Variants in KCTD20 observed in about 807,000 individuals in gnomAD.
The protein encoded by KCTD20 is BTB/POZ domain-containing protein KCTD20.
A neutral mutation model predicts 39.6 loss-of-function variants in KCTD20; 30 were observed. That is an observed-to-expected ratio of 0.76 (90% CI 0.57 to 1.03). The LOEUF is 1.03. Among genes scored for constraint, KCTD20 ranks in the 50% least tolerant of loss-of-function variants. The pLI, the probability that KCTD20 is intolerant of heterozygous loss-of-function variation, is 0.00. For synonymous variants in KCTD20, 162 were observed against 180.6 expected (o/e 0.90, Z 0.83); for missense variants, 422 against 522.0 (o/e 0.81, Z 1.87).
intron 1 of KCTD20, among the ~76,000 whole-genome samples, chr6:36,447,242 A>AT (rs890465367): frequency 6.6e-6 from 1 of 152,284 alleles, no homozygotes; most frequent in African/African-American, 2.4e-5. Flanking sequence ...CTATCCCAGG[A>AT]TTTTTAGGAT....
chr6:36,445,296 C>CATCT (rs1274982142), intron 1 of KCTD20, among the ~76,000 whole-genome samples: 5 of 149,686 alleles, frequency 3.3e-5, no homozygotes, highest in African/African-American at 1.2e-4. Context: ...GTAACAGAGA[C>CATCT]ATCTAGTAAC....
intron 3 of KCTD20, among the ~76,000 whole-genome samples, chr6:36,475,757 A>AAAT (rs1224807404): frequency 1.3e-4 from 16 of 125,332 alleles, no homozygotes; most frequent in African/African-American, 4.6e-4. Flanking sequence ...TTTAAAAAAA[A>AAAT]AAATAACAGT....
chr6:36,449,017 G>A (rs577278543), intron 1 of KCTD20, among the ~76,000 whole-genome samples: 1 of 122,696 alleles, frequency 8.2e-6, no homozygotes, highest in South Asian at 2.8e-4. Flanking sequence ...CCTTTGCAGT[G>A]AGTGTTACAG....
chr6:36,460,196 G>A (rs547863472), intron 1 of KCTD20, among the ~76,000 whole-genome samples: 2 of 152,238 alleles, frequency 1.3e-5, no homozygotes, highest in African/African-American at 4.8e-5. Context: ...TCATTAGAAT[G>A]ACCTTAACTA....
chr6:36,459,101 C>G (rs760945374), intron 1 of KCTD20, among the ~76,000 whole-genome samples: 4 of 152,182 alleles, frequency 2.6e-5, no homozygotes, highest in Non-Finnish European at 5.9e-5. Context: ...ATATCAAGGT[C>G]AAGAGTTTGA....
intron 7 of KCTD20, 29 bp downstream of exon 7, chr6:36,484,853 C>A: frequency 2.9e-5 from 38 of 1,321,436 alleles, no homozygotes; most frequent in Non-Finnish European, 3.6e-5. Flanking sequence ...TCCCAGTCAA[C>A]ATTCAGGTTG....
At chr6:36,461,236 G>A (rs2127437387) in intron 1 of KCTD20, among the ~76,000 whole-genome samples, 1 of 152,264 alleles carries the variant, frequency 6.6e-6, no homozygotes, top group African/African-American at 2.4e-5. Context: ...TTTGAAAAGT[G>A]TTGTAATATT....
Position 36,489,775 on chromosome 6 carries a change from C to T in KCTD20, c.*2600C>T, listed in dbSNP as rs1390870799. The stretch of plus-strand genomic sequence containing the variant: ...GCAAGCCAGGCTGTTGATATTTTAG[C>T]CAGAGAAATCGGCAAGCCAAGATTA... On this transcript the variant is annotated 3_prime_UTR_variant, in exon 8 of 8. Coordinates refer to ENST00000373731, the MANE Select transcript of KCTD20 (RefSeq NM_173562.5). The T allele has an allele frequency of 2.0e-5, 3 of 152,148 alleles. No homozygotes were observed. The highest frequency in any genetic ancestry group is 2.0e-4 in the Admixed American group (3 of 15,274). The allele number at this position is 152,148 out of a possible 1,614,324, so 9.4% of individuals were successfully genotyped here. A position where few individuals can be genotyped will look rare whatever the true frequency, so the allele number is the denominator to read the frequency against.
intron 1 of KCTD20, among the ~76,000 whole-genome samples, chr6:36,452,141 G>T (rs1413994878): frequency 6.6e-6 from 1 of 152,032 alleles, no homozygotes; most frequent in Non-Finnish European, 1.5e-5. Flanking sequence ...CATATGAATT[G>T]ATTTTTGAAT....
At chr6:36,477,159 A>G (rs2127450143) in intron 3 of KCTD20, among the ~76,000 whole-genome samples, 1 of 152,344 alleles carries the variant, frequency 6.6e-6, no homozygotes, top group Non-Finnish European at 1.5e-5. Context: ...GATTATATAC[A>G]GTACTTGTAA....
intron 5 of KCTD20, among the ~76,000 whole-genome samples, chr6:36,481,287 G>A (rs1043398051): frequency 2.2e-5 from 3 of 136,818 alleles, no homozygotes; most frequent in Admixed American, 7.1e-5. Flanking sequence ...ATCTCTTATA[G>A]GATTAACATG....
intron 1 of KCTD20, among the ~76,000 whole-genome samples, chr6:36,466,681 CT>C (rs1775764294): frequency 1.3e-5 from 2 of 151,694 alleles, no homozygotes; most frequent in African/African-American, 2.4e-5. Flanking sequence ...TGCGCCTTGC[CT>C]TTTTTTCTTT....
At position 36,474,935 on chromosome 6, in the gene KCTD20, A is replaced by C. The variant is rs776758856; in HGVS notation, c.307A>C (p.Ser103Arg). The C allele has an allele frequency of 2.5e-6, 4 of 1,614,152 alleles. No homozygotes were observed. The highest frequency in any genetic ancestry group is 3.4e-6 in the Non-Finnish European group (4 of 1,180,026). The change falls in exon 3 of 8, where the codon AGT becomes CGT. Residue 103 changes from serine (S) to arginine (R), a missense_variant. Transcript: ENST00000373731. ...PFIAPERFGN[S>R]SVGFGSNSHS... is the part of the protein sequence containing the mutation. ...TATTGCTCCAGAAAGATTTGGAAACAGTAGTGTGGGCTTTGGCAGTAATTC... is the reference window on the plus strand; with the variant it reads ...TATTGCTCCAGAAAGATTTGGAAACCGTAGTGTGGGCTTTGGCAGTAATTC...
chr6:36,484,102 A>G (rs1776346410), intron 6 of KCTD20, among the ~76,000 whole-genome samples: 1 of 151,516 alleles, frequency 6.6e-6, no homozygotes, highest in African/African-American at 2.4e-5. Flanking sequence ...ACTATGCCTA[A>G]TTTTTCTATT....
chr6:36,473,341 C>T (rs1052216980), intron 2 of KCTD20, among the ~76,000 whole-genome samples: 5 of 151,986 alleles, frequency 3.3e-5, no homozygotes, highest in Non-Finnish European at 4.4e-5. Context: ...GGACTACAGG[C>T]GTGAGCCACC....
chr6:36,453,310 C>T (rs1166187556), intron 1 of KCTD20, among the ~76,000 whole-genome samples: 1 of 151,804 alleles, frequency 6.6e-6, no homozygotes, highest in Admixed American at 6.6e-5. Context: ...CCACCCCCAG[C>T]CTTTTGTTTT....
In KCTD20 at chr6:36,449,960, C is replaced by T. The variant is rs531132295; in HGVS notation, c.-47+6849C>T. 4.6e-5 allele frequency among the ~76,000 whole-genome samples: 7 copies of T among 151,760 alleles called. No homozygotes were observed. The South Asian group carries it at 6.2e-4, about 14-fold the overall frequency. ...CGGGCGGATCACAAGGTCAGGAGAT[C>T]GAGACCATCATGGCTAACATGGTGA... is the stretch of plus-strand genomic sequence containing the variant. On this transcript the variant is annotated intron_variant, in intron 1 of 7. Transcript: ENST00000373731.
intron 3 of KCTD20, among the ~76,000 whole-genome samples, chr6:36,475,866 A>G (rs76847127): frequency 0.019 from 2,871 of 152,354 alleles, 34 homozygotes; most frequent in Non-Finnish European, 0.028. Context: ...AACAGATGCT[A>G]TACTGTCATT....
At chr6:36,476,420 A>G (rs1216994947) in intron 3 of KCTD20, among the ~76,000 whole-genome samples, 2 of 146,616 alleles carry the variant, frequency 1.4e-5, no homozygotes, top group East Asian at 2.1e-4. Context: ...ATAAATTCAC[A>G]GTGAACCATT....
Sources: gnomAD v4.1 joint callset for allele counts (sites outside exome capture counted in the v4.1 genomes callset) on GRCh38, gnomAD v4.1.1 for gene constraint, MANE v1.5 for transcripts, NCBI Gene and HGNC (gene_info 2026-07-23, HGNC 2026-07-21) for gene names.